Variants in WDHD1 observed in about 807,000 individuals in gnomAD.
WDHD1 encodes the protein WD repeat and HMG-box DNA-binding protein 1.
Under a neutral mutation model 135.4 loss-of-function variants are expected in WDHD1, and 111 were observed. The ratio of observed to expected loss-of-function variants is 0.82; its 90% CI spans 0.70 to 0.96. WDHD1 has a LOEUF of 0.96. WDHD1 is among the 40% of genes least tolerant of loss of function. WDHD1 has a pLI of 0.00. For missense variants in WDHD1, 1,351 were observed against 1,336.3 expected, an observed-to-expected ratio of 1.01 and a Z score of -0.17; for synonymous variants, 434 against 439.0, an observed-to-expected ratio of 0.99 and a Z score of 0.14.
chr14:54,955,539 C>T lies in WDHD1; in HGVS notation c.3050+22G>A, dbSNP rs1238201000. On this transcript the variant is annotated intron_variant, in intron 24 of 25. Coordinates refer to ENST00000360586, the MANE Select transcript of WDHD1 (RefSeq NM_007086.4). Reference sequence around the variant, plus strand: ...ATACTTTTTACTTGGTCACTGCATGCTAAATTTCTCTATGTACTGACCTTT... The same window carrying T: ...ATACTTTTTACTTGGTCACTGCATGTTAAATTTCTCTATGTACTGACCTTT... 2.7e-6 allele frequency: 4 copies of T among 1,496,042 alleles called. No individual in the cohort carries two copies. The East Asian group carries it at 1.0e-4, about 38-fold the overall frequency. 92.7% of individuals were successfully genotyped at this position (1,496,042 alleles called of 1,614,324 possible).
At chr14:55,013,817 G>A (rs1183924609) in intron 2 of WDHD1, among the ~76,000 whole-genome samples, 1 of 151,952 alleles carries the variant, frequency 6.6e-6, no homozygotes, top group African/African-American at 2.4e-5. Context: ...GCAGTAGGAA[G>A]ATAACTTGAG....
chr14:54,984,650 G>T, intron 15 of WDHD1, 73 bp downstream of exon 15: 1 of 1,232,688 alleles, frequency 8.1e-7, no homozygotes, highest in South Asian at 2.2e-5. Context: ...ATAAAACAAT[G>T]AAATAATTTT....
chr14:55,004,014 ACT>A (rs749791388), intron 7 of WDHD1, among the ~76,000 whole-genome samples: 99 of 152,314 alleles, frequency 6.5e-4, no homozygotes, highest in South Asian at 1.0e-3. Flanking sequence ...TGTCATTTGT[ACT>A]GTGACTAATA....
chr14:54,987,251 G>A lies in WDHD1; in HGVS notation c.1663C>T (p.Arg555Ter), dbSNP rs775056853. 17 of 1,613,864 alleles carry A rather than the reference G, an allele frequency of 1.1e-5. No homozygotes were observed. The highest frequency in any genetic ancestry group is 8.3e-5 in the Admixed American group (5 of 59,966). ...TGAACCCCTCCAATAGTAAACAATC[G>A]AAGAAGCAGGGCACTAGTAGCGGCA... The part of the protein sequence containing the change: ...AAAATSALLL[R>*]LFTIGGVQKE... Residue 555 changes from arginine to a stop codon, truncating the protein, a stop_gained, in exon 14 of 26, where the codon CGA becomes TGA. Coordinates refer to ENST00000360586, the MANE Select transcript of WDHD1 (RefSeq NM_007086.4). LOFTEE classifies it high-confidence loss of function.
intron 14 of WDHD1, 112 bp from the exon 15 acceptor site, chr14:54,984,972 C>CTA: frequency 7.3e-7 from 1 of 1,377,250 alleles, no homozygotes; most frequent in Non-Finnish European, 9.9e-7. Flanking sequence ...CTGACTAGCA[C>CTA]TACTTTTTAT....
At chr14:54,991,800 AT>A (rs936571521) in intron 11 of WDHD1, among the ~76,000 whole-genome samples, 54 of 152,176 alleles carry the variant, frequency 3.5e-4, no homozygotes, top group African/African-American at 1.2e-3. Flanking sequence ...GAACTAAGTG[AT>A]TTTTTTTCAT....
chr14:55,018,761 A>G (rs2042298447), intron 2 of WDHD1, among the ~76,000 whole-genome samples: 1 of 152,268 alleles, frequency 6.6e-6, no homozygotes, highest in East Asian at 1.9e-4. Context: ...TCATTAAAAA[A>G]TATTATAGTC....
intron 4 of WDHD1, 89 bp from the exon 5 acceptor site, chr14:55,008,808 T>C: frequency 9.2e-7 from 1 of 1,091,768 alleles, no homozygotes; most frequent in Non-Finnish European, 1.3e-6. Flanking sequence ...TTTTTTTTTT[T>C]TTTTCTTTTT....
rs2140238736 is a variant in WDHD1 at position 55,027,042 on chromosome 14, C to T, written c.-31G>A. 6.2e-6 allele frequency: 3 copies of T among 487,712 alleles called. No individual in the cohort carries two copies. The highest frequency in any genetic ancestry group is 7.0e-5 in the East Asian group (2 of 28,432). 30.2% of individuals were successfully genotyped at this position (487,712 alleles called of 1,614,324 possible). The stretch of plus-strand genomic sequence containing the variant: ...TGGGGACTCACCCGGGTGACCGAGC[C>T]TCCGCCACTGAGGATCCACAAGAGC... On this transcript the variant is annotated 5_prime_UTR_variant, in exon 1 of 26. Transcript: ENST00000360586.
chr14:54,979,403 G>A (rs922652190), intron 16 of WDHD1, among the ~76,000 whole-genome samples: 3 of 152,064 alleles, frequency 2.0e-5, no homozygotes, highest in Admixed American at 1.3e-4. Flanking sequence ...CATTCCTCCC[G>A]CCTTGGGCTC....
chr14:54,993,995 C>T (rs1306836844), intron 11 of WDHD1, among the ~76,000 whole-genome samples: 1 of 152,122 alleles, frequency 6.6e-6, no homozygotes, highest in African/African-American at 2.4e-5. Flanking sequence ...TTAAAAAGCA[C>T]AACATAGCAC....
At position 54,989,126 on chromosome 14, in the gene WDHD1, G is replaced by A. The variant is rs983737121; in HGVS notation, c.1428C>T (p.His476=). Residue 476 remains histidine, a synonymous_variant, in exon 13 of 26, where the codon CAC becomes CAT. Coordinates refer to ENST00000360586, the MANE Select transcript of WDHD1 (RefSeq NM_007086.4). ...AAGTGTTTGATAAGTGTGTTGCATGGTGTATGGAGGTATCATGGAACTCCA... is the reference window on the plus strand; with the variant it reads ...AAGTGTTTGATAAGTGTGTTGCATGATGTATGGAGGTATCATGGAACTCCA... The part of the protein sequence containing the change: ...IDVEFHDTSI[H]HATHLSNTLN... 16 of 1,613,410 alleles carry A rather than the reference G, an allele frequency of 9.9e-6. No individual in the cohort carries two copies. Among genetic ancestry groups the A allele is most frequent in the African/African-American group, 1.3e-5 (1 of 74,868 alleles).
At position 55,004,909 on chromosome 14, in the gene WDHD1, C is replaced by G. The variant is rs2042039338; in HGVS notation, c.600+2371G>C. 5.7e-6 allele frequency: 3 copies of G among 525,086 alleles called. No individual in the cohort carries two copies. In the Admixed American group the frequency reaches 5.9e-5, roughly 10 times the overall value. 32.5% of individuals were successfully genotyped at this position (525,086 alleles called of 1,614,324 possible). A position where few individuals can be genotyped will look rare whatever the true frequency, so the allele number is the denominator to read the frequency against. On this transcript the variant is annotated intron_variant, in intron 7 of 25. Transcript: ENST00000360586. ...GTGGCAGGCTGAGCACTCCAGTTTT[C>G]AGGAGGGAACTGCTAAATAGGCACA...
At position 55,000,983 on chromosome 14, in the gene WDHD1, T is replaced by C. The variant is rs139440460; in HGVS notation, c.703A>G (p.Ile235Val). Residue 235 changes from isoleucine to valine, a missense_variant, in exon 9 of 26, where the codon ATA (isoleucine) becomes GTA (valine). Coordinates refer to ENST00000360586, the MANE Select transcript of WDHD1 (RefSeq NM_007086.4). ...SDNFISQTLN[I>V]VTWSPCGQYL... ...TGCCCACAGGGAGACCAGGTTACTA[T>C]ATTGAGGGTCTGTAAAGAAAAACAG... 4.7e-3 allele frequency: 7,383 copies of C among 1,557,094 alleles called. 23 individuals are homozygous for C. Among genetic ancestry groups the C allele is most frequent in the Non-Finnish European group, 6.0e-3 (6,864 of 1,152,468 alleles).
rs2041710935 is a variant in WDHD1, at chr14:54,987,398, A to G, written c.1527-11T>C. 6.2e-7 allele frequency: 1 copy of G among 1,602,322 alleles called. No individual in the cohort carries two copies. Among genetic ancestry groups the G allele is most frequent in the Middle Eastern group, 1.7e-4 (1 of 6,038 alleles). On this transcript the variant is annotated splice_polypyrimidine_tract_variant and intron_variant, in intron 13 of 25. Coordinates refer to ENST00000360586, the MANE Select transcript of WDHD1 (RefSeq NM_007086.4). ...AGGCAGTGAAGCTTGCTAAAAATTA[A>G]AACAAGACAGAAACAATCAAACTTT...
At chr14:54,978,347 C>T (rs550758453) in intron 16 of WDHD1, among the ~76,000 whole-genome samples, 1 of 152,152 alleles carries the variant, frequency 6.6e-6, no homozygotes, top group African/African-American at 2.4e-5. Context: ...CTTTGGAAGG[C>T]TGATGCAAGA....
At chr14:55,012,420 G>T (rs1278517731) in intron 3 of WDHD1, among the ~76,000 whole-genome samples, 1 of 152,152 alleles carries the variant, frequency 6.6e-6, no homozygotes, top group Non-Finnish European at 1.5e-5. Flanking sequence ...TTCTGAATAA[G>T]TCTTCTTTCT....
chr14:54,948,758 T>A (rs1041767940), intron 24 of WDHD1, among the ~76,000 whole-genome samples: 1 of 152,092 alleles, frequency 6.6e-6, no homozygotes, highest in African/African-American at 2.4e-5. Flanking sequence ...CACCCCCCAG[T>A]AGGGGCAGAC....
intron 24 of WDHD1, among the ~76,000 whole-genome samples, chr14:54,947,916 C>T (rs951133070): frequency 3.3e-5 from 5 of 151,164 alleles, no homozygotes; most frequent in East Asian, 2.0e-4. Flanking sequence ...TCAAATTTAA[C>T]GGATATATTA....
Sources: allele counts gnomAD v4.1 joint callset (sites outside exome capture counted in the v4.1 genomes callset), GRCh38; gene constraint gnomAD v4.1.1; transcripts MANE v1.5; gene names NCBI Gene and HGNC (gene_info 2026-07-23, HGNC 2026-07-21).